Variants in ATF6 observed in about 807,000 individuals in gnomAD.
ATF6 encodes cyclic AMP-dependent transcription factor ATF-6 alpha.
Under a neutral mutation model 83.6 loss-of-function variants are expected in ATF6, and 53 were observed. The observed-to-expected ratio is 0.63, with a 90% CI of 0.51 to 0.80. The LOEUF is 0.80. ATF6 is among the 30% of genes least tolerant of loss of function. The pLI is 0.00. For synonymous variants in ATF6, 288 were observed against 285.8 expected (o/e 1.01, Z -0.08); for missense variants, 744 against 797.9 (o/e 0.93, Z 0.81).
chr1:161,776,660 A>G lies in ATF6; in HGVS notation c.83-1584A>G, dbSNP rs576214713. On this transcript the variant is annotated intron_variant, in intron 1 of 15. Coordinates refer to ENST00000367942, the MANE Select transcript of ATF6 (RefSeq NM_007348.4). ...GAGCAACTGGGAAAATCCAATTGTC[A>G]TTAACTGAGATGAGGACAAAGCAGT... Among the ~76,000 whole-genome samples, 3 of 152,312 alleles carry G rather than the reference A, an allele frequency of 2.0e-5. No homozygotes were observed. In the South Asian group the frequency reaches 6.2e-4, roughly 32 times the overall value.
intron 12 of ATF6, among the ~76,000 whole-genome samples, chr1:161,859,262 T>G (rs971260703): frequency 6.6e-6 from 1 of 152,228 alleles, no homozygotes; most frequent in African/African-American, 2.4e-5. Context: ...CTCTGCATAT[T>G]GGTTCCATCC....
intron 12 of ATF6, among the ~76,000 whole-genome samples, chr1:161,856,610 ACACAGAGGAAGAG>A (rs1172111267): frequency 6.6e-6 from 1 of 152,222 alleles, no homozygotes; most frequent in East Asian, 1.9e-4. Flanking sequence ...ATCCTTTGCT[ACACAGAGGAAGAG>A]CACAGGAGTC....
intron 1 of ATF6, among the ~76,000 whole-genome samples, chr1:161,772,963 G>GTTTTTT (rs34459711): frequency 5.4e-5 from 4 of 73,522 alleles, no homozygotes; most frequent in African/African-American, 5.6e-5. Context: ...TGAAACTCCT[G>GTTTTTT]TTTTTTTTTT....
chr1:161,902,433 G>A (rs182191175), intron 14 of ATF6, among the ~76,000 whole-genome samples: 2 of 152,298 alleles, frequency 1.3e-5, no homozygotes, highest in African/African-American at 4.8e-5. Flanking sequence ...CATTGTTACT[G>A]TATGTGGCGG....
intron 7 of ATF6, among the ~76,000 whole-genome samples, chr1:161,804,673 C>T (rs1330487250): frequency 9.2e-6 from 1 of 108,764 alleles, no homozygotes; most frequent in African/African-American, 2.5e-5. Context: ...GAGCAACCCC[C>T]CTGCCTTTTT....
chr1:161,835,433 A>G (rs902257102), intron 9 of ATF6, among the ~76,000 whole-genome samples: 1 of 152,188 alleles, frequency 6.6e-6, no homozygotes, highest in Non-Finnish European at 1.5e-5. Flanking sequence ...GGTCAAAGGC[A>G]TTTGTTTGTA....
intron 14 of ATF6, chr1:161,891,475 C>T (rs1384596893): frequency 1.3e-5 from 2 of 152,278 alleles, no homozygotes; most frequent in Non-Finnish European, 2.9e-5. Flanking sequence ...AACACCCAGG[C>T]CAAGTTGGTA....
At chr1:161,899,013 C>A (rs1413101889) in intron 14 of ATF6, among the ~76,000 whole-genome samples, 1 of 152,054 alleles carries the variant, frequency 6.6e-6, no homozygotes, top group Non-Finnish European at 1.5e-5. Context: ...TAAAGAAAAT[C>A]GTTTCTCCCC....
chr1:161,780,103 T>C (rs1167524771), intron 2 of ATF6, among the ~76,000 whole-genome samples: 1 of 152,160 alleles, frequency 6.6e-6, no homozygotes, highest in Non-Finnish European at 1.5e-5. Flanking sequence ...ATTGATTTTT[T>C]AAAAAATGGT....
At chr1:161,807,259 CAG>C (rs1418755903) in intron 7 of ATF6, among the ~76,000 whole-genome samples, 1 of 152,146 alleles carries the variant, frequency 6.6e-6, no homozygotes. Flanking sequence ...CTCAGAAAAA[CAG>C]AGACTGCCTA....
intron 9 of ATF6, among the ~76,000 whole-genome samples, chr1:161,826,305 C>A (rs926181654): frequency 6.6e-6 from 1 of 152,078 alleles, no homozygotes; most frequent in Non-Finnish European, 1.5e-5. Flanking sequence ...TGAGTGCCCC[C>A]ACCCACCAGA....
rs1333217240 is a variant in ATF6, at chr1:161,807,891, T to G, written c.909+5619T>G. ...TTTTTTTTTTTTTTTTTTTTTTTTT[T>G]TTTTTTGAGACAAAGTCTTGCTCTG... On this transcript the variant is annotated intron_variant, in intron 7 of 15. Coordinates refer to ENST00000367942, the MANE Select transcript of ATF6 (RefSeq NM_007348.4). 4.8e-5 allele frequency among the ~76,000 whole-genome samples: 6 copies of G among 125,180 alleles called. No homozygotes were observed. In the East Asian group the frequency reaches 1.6e-3, roughly 33 times the overall value. The allele number at this position is 125,180 out of a possible 152,430, so 82.1% of individuals were successfully genotyped here. A position where few individuals can be genotyped will look rare whatever the true frequency, so the allele number is the denominator to read the frequency against.
rs568333434 is a variant in ATF6, at chr1:161,931,194, ATTTG to A, written c.1804+18817_1804+18820del. ...CTGGCTGGTTCCAAGAAATTCTAAT[ATTTG>A]TTCTGTTTTTAAGGAGAAAAATTAT... On this transcript the variant is annotated intron_variant, in intron 15 of 15. Coordinates refer to ENST00000367942, the MANE Select transcript of ATF6 (RefSeq NM_007348.4). Among the ~76,000 whole-genome samples, 190 of 152,296 alleles carry A rather than the reference ATTTG, an allele frequency of 1.2e-3. 1 individual carries two copies. The highest frequency in any genetic ancestry group is 3.4e-3 in the Middle Eastern group (1 of 294).
At chr1:161,941,203 A>G (rs2101909925) in intron 15 of ATF6, among the ~76,000 whole-genome samples, 2 of 152,346 alleles carry the variant, frequency 1.3e-5, no homozygotes, top group South Asian at 4.1e-4. Context: ...GCTATATATT[A>G]AAGTGGGTAT....
intron 15 of ATF6, among the ~76,000 whole-genome samples, chr1:161,923,703 T>C (rs1688258265): frequency 6.6e-6 from 1 of 152,226 alleles, no homozygotes; most frequent in South Asian, 2.1e-4. Context: ...ATTTAGTTTA[T>C]TAGAACCTTC....
At chr1:161,811,595 G>A (rs911300181) in intron 7 of ATF6, among the ~76,000 whole-genome samples, 4 of 152,088 alleles carry the variant, frequency 2.6e-5, no homozygotes, top group Non-Finnish European at 5.9e-5. Flanking sequence ...GAACACCCAG[G>A]TATTCTTCAG....
intron 7 of ATF6, among the ~76,000 whole-genome samples, chr1:161,806,772 G>A (rs1398328699): frequency 6.6e-6 from 1 of 152,092 alleles, no homozygotes; most frequent in Non-Finnish European, 1.5e-5. Flanking sequence ...GGTAGGTGCT[G>A]GGGGGAATCC....
intron 14 of ATF6, among the ~76,000 whole-genome samples, chr1:161,881,853 T>TA (rs1364453973): frequency 6.6e-6 from 1 of 152,138 alleles, no homozygotes; most frequent in Non-Finnish European, 1.5e-5. Context: ...TTTGCCTAAC[T>TA]AAAGGTCACA....
At chr1:161,798,974 A>G (rs1685080772) in intron 6 of ATF6, among the ~76,000 whole-genome samples, 1 of 152,254 alleles carries the variant, frequency 6.6e-6, no homozygotes, top group Non-Finnish European at 1.5e-5. Context: ...TGCAGAGAAA[A>G]GTGAATGCAT....
Sources: gnomAD v4.1 joint callset for allele counts (sites outside exome capture counted in the v4.1 genomes callset) on GRCh38, gnomAD v4.1.1 for gene constraint, MANE v1.5 for transcripts, NCBI Gene and HGNC (gene_info 2026-07-23, HGNC 2026-07-21) for gene names.